Variants in TGM3 observed in about 807,000 individuals in gnomAD.
TGM3 encodes the protein protein-glutamine gamma-glutamyltransferase E.
Under a neutral mutation model 73.8 loss-of-function variants are expected in TGM3, and 52 were observed. That is an observed-to-expected ratio of 0.70 (90% CI 0.56 to 0.89). The LOEUF is 0.89. TGM3 is among the 40% of genes least tolerant of loss of function. The pLI, the probability that TGM3 is intolerant of heterozygous loss-of-function variation, is 0.00. For synonymous variants in TGM3, 372 were observed against 354.9 expected (o/e 1.05, Z -0.54); for missense variants, 928 against 909.9 (o/e 1.02, Z -0.26).
At chr20:2,326,146 C>G in intron 8 of TGM3, 194 bp downstream of exon 8, 1 of 619,898 alleles carries the variant, frequency 1.6e-6, no homozygotes, top group Non-Finnish European at 2.8e-6. Context: ...AGTGCCTGCC[C>G]TGCACCCACA....
rs538318468 is a variant in TGM3, at chr20:2,316,543, C to CAG, written c.670-517_670-516dup. On this transcript the variant is annotated intron_variant, in intron 5 of 12. Transcript: ENST00000381458. ...CGCCACTGCACTCCAGCCAGGGCGA[C>CAG]AGAGAGAGACTCTGTATCAGAAAAT... 1.1e-4 allele frequency among the ~76,000 whole-genome samples: 16 copies of CAG among 151,812 alleles called. No homozygotes were observed. The East Asian group carries it at 3.1e-3, about 29-fold the overall frequency.
intron 1 of TGM3, among the ~76,000 whole-genome samples, chr20:2,299,888 A>G (rs2084133527): frequency 6.6e-6 from 1 of 152,184 alleles, no homozygotes; most frequent in South Asian, 2.1e-4. Context: ...ATCTGAGGTC[A>G]GGAGTTCGAG....
intron 8 of TGM3, 133 bp downstream of exon 8, chr20:2,326,085 A>G (rs1401817208): frequency 1.1e-6 from 1 of 877,726 alleles, no homozygotes; most frequent in Non-Finnish European, 1.8e-6. Flanking sequence ...AAATAGTTTA[A>G]AAATAGATCT....
rs1018677806 is a variant in TGM3 at position 2,329,970 on chromosome 20, T to C, written c.1333+1605T>C. Among the ~76,000 whole-genome samples, 6 of 152,120 alleles carry C rather than the reference T, an allele frequency of 3.9e-5. No individual in the cohort carries two copies. In the South Asian group the frequency reaches 1.0e-3, roughly 26 times the overall value. ...TGACTGTACGATCCTGTGGGGTTCC[T>C]TACCTTACCCCACACCTTGATCTCT... On this transcript the variant is annotated intron_variant, in intron 9 of 12. Coordinates refer to ENST00000381458, the MANE Select transcript of TGM3 (RefSeq NM_003245.4).
intron 7 of TGM3, among the ~76,000 whole-genome samples, chr20:2,325,016 A>G (rs1411771314): frequency 1.3e-5 from 2 of 152,320 alleles, no homozygotes. Context: ...CAAATATATG[A>G]GTCTCTTCCT....
At chr20:2,340,040 G>GGGGGGGGGGGGGGCGGGGC in intron 12 of TGM3, 53 bp downstream of exon 12, 4 of 944,844 alleles carry the variant, frequency 4.2e-6, no homozygotes, top group Non-Finnish European at 6.4e-6. Context: ...GGGCGGGGGG[G>GGGGGGGGGGGGGGCGGGGC]CCCTCCAGAT....
chr20:2,336,306 G>C (rs536571546), intron 11 of TGM3, among the ~76,000 whole-genome samples: 2 of 152,118 alleles, frequency 1.3e-5, no homozygotes, highest in African/African-American at 4.8e-5. Context: ...GCAGACAAAC[G>C]GACAGAGAAC....
chr20:2,308,400 A>T (rs2084185728), intron 1 of TGM3, among the ~76,000 whole-genome samples: 1 of 152,204 alleles, frequency 6.6e-6, no homozygotes, highest in Admixed American at 6.5e-5. Context: ...TAACCTCTTA[A>T]ACATAACTCA....
In TGM3 at chr20:2,332,321, C is replaced by T. The variant is rs1351371037; in HGVS notation, c.1642+11C>T. 4 of 1,567,382 alleles carry T rather than the reference C, an allele frequency of 2.6e-6. No individual in the cohort carries two copies. In the Admixed American group the frequency reaches 7.2e-5, roughly 28 times the overall value. ...TGGACCCTGAGGAAGGTAACGCATCCCGCAGTTGGAGGAGATCCACGAATC... is the reference window on the plus strand; with the variant it reads ...TGGACCCTGAGGAAGGTAACGCATCTCGCAGTTGGAGGAGATCCACGAATC... On this transcript the variant is annotated intron_variant, in intron 10 of 12. Coordinates refer to ENST00000381458, the MANE Select transcript of TGM3 (RefSeq NM_003245.4). The surrounding 1 kb of genome is among the most constrained non-coding windows in gnomAD (Gnocchi z 4.4).
chr20:2,330,532 G>A (rs554827469), intron 9 of TGM3, among the ~76,000 whole-genome samples: 1 of 152,356 alleles, frequency 6.6e-6, no homozygotes, highest in African/African-American at 2.4e-5. Flanking sequence ...AGACACCAGG[G>A]AACTGGCCCC....
At chr20:2,326,072 C>A in intron 8 of TGM3, 120 bp downstream of exon 8, 1 of 988,746 alleles carries the variant, frequency 1.0e-6, no homozygotes, top group Admixed American at 2.4e-5. Context: ...GGGATTAAAA[C>A]AAAAATAGTT....
chr20:2,317,342 A>C lies in TGM3; in HGVS notation c.848-8A>C. 1 of 1,614,166 alleles carries C rather than the reference A, an allele frequency of 6.2e-7. No homozygotes were observed. Among genetic ancestry groups the C allele is most frequent in the Non-Finnish European group, 8.5e-7 (1 of 1,180,020 alleles). On this transcript the variant is annotated splice_polypyrimidine_tract_variant and splice_region_variant and intron_variant, in intron 6 of 12. Transcript: ENST00000381458. ...CACCTGAGTCCTCACGCCCACCCTGACTTGCAGCGCTGCGGTCTTTGGGGA... is the reference window on the plus strand; with the variant it reads ...CACCTGAGTCCTCACGCCCACCCTGCCTTGCAGCGCTGCGGTCTTTGGGGA...
intron 9 of TGM3, among the ~76,000 whole-genome samples, chr20:2,331,298 T>A (rs982846991): frequency 1.1e-4 from 17 of 152,114 alleles, no homozygotes; most frequent in Admixed American, 3.3e-4. Flanking sequence ...TTCAGGTACA[T>A]CCCTGTCATT....
intron 1 of TGM3, among the ~76,000 whole-genome samples, chr20:2,305,047 C>A (rs1472764284): frequency 6.6e-6 from 1 of 152,200 alleles, no homozygotes. Flanking sequence ...GGGCACAGAG[C>A]CCCCATGCCC....
intron 1 of TGM3, among the ~76,000 whole-genome samples, chr20:2,298,632 T>C (rs1338865541): frequency 6.6e-6 from 1 of 152,160 alleles, no homozygotes; most frequent in South Asian, 2.1e-4. Flanking sequence ...ATTCCCAGCG[T>C]CTGGGTCTAC....
At chr20:2,304,074 C>T (rs1447598560) in intron 1 of TGM3, among the ~76,000 whole-genome samples, 1 of 152,168 alleles carries the variant, frequency 6.6e-6, no homozygotes, top group Non-Finnish European at 1.5e-5. Flanking sequence ...GTGCAGAAGA[C>T]ATAAGGTGCA....
chr20:2,309,757 A>G lies in TGM3; in HGVS notation c.108A>G (p.Gln36=). Residue 36 remains glutamine, a synonymous_variant, in exon 2 of 13, where the codon CAA becomes CAG. Coordinates refer to ENST00000381458, the MANE Select transcript of TGM3 (RefSeq NM_003245.4). The part of the protein sequence containing the change: ...SSQELILRRG[Q]NFQVLMIMNK... ...AGGAGCTCATCTTGCGGAGAGGCCA[A>G]AACTTCCAGGTCTTAATGATCATGA... 21 of 1,614,214 alleles carry G rather than the reference A, an allele frequency of 1.3e-5. No homozygotes were observed. The highest frequency in any genetic ancestry group is 1.8e-5 in the Non-Finnish European group (21 of 1,180,028).
Position 2,332,227 on chromosome 20 carries a change from C to T in TGM3, c.1559C>T (p.Thr520Ile), listed in dbSNP as rs1364422728. ...ACGAAGACAGTGACAGTGAACATGA[C>T]AGCCTGGACCATCATCTACAACGGC... ...RDTKTVTVNM[T>I]AWTIIYNGTL... is the part of the protein sequence containing the mutation. The change falls in exon 10 of 13, where the codon ACA becomes ATA. Residue 520 changes from threonine to isoleucine, a missense_variant. Coordinates refer to ENST00000381458, the MANE Select transcript of TGM3 (RefSeq NM_003245.4). The surrounding 1 kb of genome is among the most constrained non-coding windows in gnomAD (Gnocchi z 4.4). The T allele has an allele frequency of 1.2e-6, 2 of 1,614,014 alleles. No individual in the cohort carries two copies. Among genetic ancestry groups the T allele is most frequent in the East Asian group, 2.2e-5 (1 of 44,882 alleles).
chr20:2,329,538 G>A (rs968401633), intron 9 of TGM3, among the ~76,000 whole-genome samples: 4 of 152,130 alleles, frequency 2.6e-5, no homozygotes, highest in African/African-American at 4.8e-5. Context: ...CCTGCTTCAT[G>A]CTGGGCCTTG....
Sources: gnomAD v4.1 joint callset for allele counts (sites outside exome capture counted in the v4.1 genomes callset) on GRCh38, gnomAD v4.1.1 for gene constraint, Gnocchi (gnomAD v3.1) non-coding constraint, MANE v1.5 for transcripts, NCBI Gene and HGNC (gene_info 2026-07-23, HGNC 2026-07-21) for gene names.